The following HMG20A variants were observed in gnomAD, a reference collection of about 807,000 sequenced individuals.
HMG20A encodes the protein high mobility group protein 20A.
Under a neutral mutation model 43.9 loss-of-function variants are expected in HMG20A, and 17 were observed. The observed-to-expected ratio is 0.39, with a 90% CI of 0.27 to 0.58. The LOEUF (loss-of-function observed/expected upper bound fraction) is 0.58. Ranked by LOEUF, HMG20A falls within the 20% of genes least tolerant of loss-of-function variation. HMG20A has a pLI of 0.59. For synonymous variants in HMG20A, 132 were observed against 147.5 expected (o/e 0.89, Z 0.76); for missense variants, 341 against 438.2 (o/e 0.78, Z 1.98).
intron 5 of HMG20A, 47 bp downstream of exon 5, chr15:77,471,089 G>A (rs773856582): frequency 7.6e-6 from 12 of 1,582,514 alleles, no homozygotes; most frequent in Admixed American, 1.9e-5. Flanking sequence ...TGTGGGTGAT[G>A]GAGTGTCATA....
chr15:77,499,534 C>G, the HMG20A span, among the ~76,000 whole-genome samples: 26 of 150,970 alleles, frequency 1.7e-4, no homozygotes, highest in Admixed American at 4.6e-4. Context: ...TGCTCCCCCC[C>G]ACACACACAC....
In HMG20A at chr15:77,426,301, A is replaced by G. The variant is rs188423998; in HGVS notation, c.-5+5297A>G. The stretch of plus-strand genomic sequence containing the variant: ...ATCCATGTATAACTTCTGACTCCCC[A>G]AAAAGTTAACTACGTAAATAGCTTA... On this transcript the variant is annotated intron_variant, in intron 1 of 9. Coordinates refer to ENST00000336216, the MANE Select transcript of HMG20A (RefSeq NM_001304504.2). 2.2e-3 allele frequency among the ~76,000 whole-genome samples: 339 copies of G among 152,286 alleles called. 1 individual carries two copies. The highest frequency in any genetic ancestry group is 3.9e-3 in the Non-Finnish European group (264 of 68,010).
At chr15:77,439,725 A>G (rs543536717) in intron 1 of HMG20A, among the ~76,000 whole-genome samples, 2 of 152,078 alleles carry the variant, frequency 1.3e-5, no homozygotes, top group East Asian at 3.9e-4. Context: ...GGTTATATAC[A>G]CTCATTTCTC....
At chr15:77,507,564 A>AGAAGCCAAGCCAGGGTGTGGCAT in the HMG20A span, among the ~76,000 whole-genome samples, 1 of 152,236 alleles carries the variant, frequency 6.6e-6, no homozygotes, top group South Asian at 2.1e-4. Flanking sequence ...GCAAAGAGAA[A>AGAAGCCAAGCCAGGGTGTGGCAT]GAAGCCAAGC....
chr15:77,519,088 A>T, the HMG20A span, among the ~76,000 whole-genome samples: 1 of 152,156 alleles, frequency 6.6e-6, no homozygotes, highest in Non-Finnish European at 1.5e-5. Context: ...GCAAATGGCC[A>T]CCTCCTGGGT....
the HMG20A span, among the ~76,000 whole-genome samples, chr15:77,496,318 T>C: frequency 6.6e-6 from 1 of 152,184 alleles, no homozygotes; most frequent in African/African-American, 2.4e-5. Flanking sequence ...CCAAGGGAAG[T>C]ACCGATTGCT....
intron 9 of HMG20A, among the ~76,000 whole-genome samples, chr15:77,481,589 T>C (rs2072905868): frequency 6.6e-6 from 1 of 152,216 alleles, no homozygotes; most frequent in Non-Finnish European, 1.5e-5. Context: ...AAAGCTTTTT[T>C]CATCTCAAGA....
chr15:77,421,907 G>GT (rs2073358606), intron 1 of HMG20A, among the ~76,000 whole-genome samples: 6 of 152,096 alleles, frequency 3.9e-5, no homozygotes, highest in Non-Finnish European at 1.5e-5. Context: ...ATTTTTAAAT[G>GT]GTATCTGTTC....
At chr15:77,493,053 A>G in the HMG20A span, among the ~76,000 whole-genome samples, 1 of 152,150 alleles carries the variant, frequency 6.6e-6, no homozygotes, top group East Asian at 1.9e-4. Context: ...ACTTGGTTCA[A>G]CTAATATGCA....
At chr15:77,425,428 A>C (rs1326243653) in intron 1 of HMG20A, among the ~76,000 whole-genome samples, 1 of 152,210 alleles carries the variant, frequency 6.6e-6, no homozygotes, top group Admixed American at 6.5e-5. Context: ...GCATCAGCAC[A>C]ATGGCTATCA....
the HMG20A span, among the ~76,000 whole-genome samples, chr15:77,503,240 A>G: frequency 6.6e-6 from 1 of 152,194 alleles, no homozygotes; most frequent in Admixed American, 6.5e-5. Context: ...GTGAGATGGA[A>G]CTGGGCTGGA....
At chr15:77,434,808 AG>A (rs146691639) in intron 1 of HMG20A, among the ~76,000 whole-genome samples, 2,299 of 152,298 alleles carry the variant, frequency 0.015, 49 homozygotes, top group African/African-American at 0.051. Flanking sequence ...GTATTTTTAC[AG>A]CCATTTTGGA....
At chr15:77,429,234 T>C (rs2073458922) in intron 1 of HMG20A, among the ~76,000 whole-genome samples, 1 of 152,070 alleles carries the variant, frequency 6.6e-6, no homozygotes, top group South Asian at 2.1e-4. Context: ...TTTTGTTTTT[T>C]TGAGACGGAG....
chr15:77,443,477 C>T (rs949194976), intron 1 of HMG20A, among the ~76,000 whole-genome samples: 49 of 147,110 alleles, frequency 3.3e-4, no homozygotes, highest in African/African-American at 1.2e-3. Context: ...CTGCAACATC[C>T]ACCTCCTGGG....
At chr15:77,439,494 A>G (rs2142290997) in intron 1 of HMG20A, among the ~76,000 whole-genome samples, 1 of 152,148 alleles carries the variant, frequency 6.6e-6, no homozygotes, top group African/African-American at 2.4e-5. Context: ...TTCATAGAAT[A>G]TTTATTCTCG....
chr15:77,482,937 T>TTTTTG (rs1471249311), intron 9 of HMG20A, 33 bp from the exon 10 acceptor site: 2 of 152,258 alleles, frequency 1.3e-5, no homozygotes, highest in African/African-American at 4.8e-5. Flanking sequence ...TTTGTTTTTG[T>TTTTTG]TTTTGTTTTG....
chr15:77,477,410 A>G (rs983567280), intron 6 of HMG20A, 145 bp from the exon 7 acceptor site: 13 of 618,370 alleles, frequency 2.1e-5, no homozygotes, highest in Non-Finnish European at 2.8e-5. Flanking sequence ...TGAAAAGATG[A>G]ATACATTTCC....
At chr15:77,422,885 A>G (rs1323369646) in intron 1 of HMG20A, among the ~76,000 whole-genome samples, 1 of 152,220 alleles carries the variant, frequency 6.6e-6, no homozygotes, top group Non-Finnish European at 1.5e-5. Context: ...GAATTAATTG[A>G]TTAAAGAAGA....
chr15:77,450,489 A>G (rs2864841), intron 1 of HMG20A, among the ~76,000 whole-genome samples: 12,134 of 152,274 alleles, frequency 0.08, 593 homozygotes, highest in Non-Finnish European at 0.1. Flanking sequence ...GAAAGCAAAG[A>G]TGTCACTCAG....
Sources: gnomAD v4.1 joint callset for allele counts (sites outside exome capture counted in the v4.1 genomes callset) on GRCh38, gnomAD v4.1.1 for gene constraint, MANE v1.5 for transcripts, NCBI Gene and HGNC (gene_info 2026-07-23, HGNC 2026-07-21) for gene names.